The following KMT5B variants were observed in gnomAD, a reference collection of about 807,000 sequenced individuals.
The protein encoded by KMT5B is histone-lysine N-methyltransferase KMT5B.
Under a neutral mutation model 83.2 loss-of-function variants are expected in KMT5B, and 10 were observed. That is an observed-to-expected ratio of 0.12 (90% confidence interval 0.07 to 0.20). The LOEUF is 0.20. Among genes scored for constraint, KMT5B ranks in the 10% least tolerant of loss-of-function variants. The pLI is 1.00. For missense variants in KMT5B, 753 were observed against 1,067.2 expected (o/e 0.71, Z 4.10); for synonymous variants, 349 against 388.8 (o/e 0.90, Z 1.20).
chr11:68,206,825 C>A (rs10896303), intron 1 of KMT5B, among the ~76,000 whole-genome samples: 67,268 of 151,888 alleles, frequency 0.44, 15,538 homozygotes, highest in East Asian at 0.64. Flanking sequence ...TCACCTCACC[C>A]ATTTAAAAAA....
chr11:68,203,860 C>T lies in KMT5B; in HGVS notation c.-77+9278G>A, dbSNP rs138514233. Among the ~76,000 whole-genome samples, 241 of 151,890 alleles carry T rather than the reference C, an allele frequency of 1.6e-3. 1 individual carries two copies. Among genetic ancestry groups the T allele is most frequent in the African/African-American group, 5.3e-3 (219 of 41,272 alleles). On this transcript the variant is annotated intron_variant, in intron 1 of 10. Transcript: ENST00000304363. ...CTTTACTTTAAAATTAGAGCTGTCACGCTAATTCAAATGGTAATCAGGTAT... is the reference window on the plus strand; with the variant it reads ...CTTTACTTTAAAATTAGAGCTGTCATGCTAATTCAAATGGTAATCAGGTAT...
In KMT5B at chr11:68,158,649, C is replaced by A. The variant is rs1012452486; in HGVS notation, c.1697G>T (p.Ser566Ile). The change falls in exon 11 of 11, where the codon AGC becomes ATC. Residue 566 changes from serine (S) to isoleucine (I), a missense_variant. By Grantham distance (142) the Ser-to-Ile change is moderately radical. Transcript: ENST00000304363. ...GTCGGGGCAAGGTTCCGTCACACTG[C>A]TTTTATAGCCATTCAACGTATTTGG... ...LEPNTLNGYK[S>I]SVTEPCPDSG... The A allele has an allele frequency of 1.9e-6, 3 of 1,614,044 alleles. No homozygotes were observed. The African/African-American group carries it at 4.0e-5, about 22-fold the overall frequency.
intron 1 of KMT5B, among the ~76,000 whole-genome samples, chr11:68,197,678 T>C (rs1242386818): frequency 1.3e-5 from 2 of 152,188 alleles, no homozygotes; most frequent in Non-Finnish European, 2.9e-5. Context: ...CTCATTTATA[T>C]TGTGATCAAC....
intron 6 of KMT5B, among the ~76,000 whole-genome samples, chr11:68,172,707 G>A (rs1382966685): frequency 6.6e-6 from 1 of 152,076 alleles, no homozygotes; most frequent in Non-Finnish European, 1.5e-5. Context: ...GTACCGGACG[G>A]TACAGCTCTA....
chr11:68,193,153 A>G (rs1168027388), intron 1 of KMT5B, among the ~76,000 whole-genome samples: 1 of 152,236 alleles, frequency 6.6e-6, no homozygotes, highest in Non-Finnish European at 1.5e-5. Flanking sequence ...AAGATGCCTT[A>G]AGATCATCAG....
chr11:68,183,927 T>G (rs1342421562), intron 3 of KMT5B, among the ~76,000 whole-genome samples: 2 of 152,076 alleles, frequency 1.3e-5, no homozygotes, highest in Non-Finnish European at 2.9e-5. Context: ...CCCAAAGTGC[T>G]GAGATTACAG....
At chr11:68,180,258 T>C in intron 3 of KMT5B, 58 bp from the exon 4 acceptor site, 5 of 1,520,248 alleles carry the variant, frequency 3.3e-6, no homozygotes, top group South Asian at 1.2e-5. Context: ...AATCTGTACT[T>C]GTAATTTCTA....
intron 2 of KMT5B, among the ~76,000 whole-genome samples, chr11:68,187,290 G>A (rs1361101649): frequency 1.3e-5 from 2 of 152,112 alleles, no homozygotes; most frequent in Non-Finnish European, 2.9e-5. Flanking sequence ...GAGCCACCAC[G>A]CCCAGTCTTC....
chr11:68,180,124 C>T lies in KMT5B; in HGVS notation c.377+8G>A, dbSNP rs1282073453. The stretch of plus-strand genomic sequence containing the variant: ...AGTATCTCATTGTTTTTAACACACA[C>T]TACCTACCTCACAGGGTTGTTGTGA... On this transcript the variant is annotated splice_region_variant and intron_variant, in intron 4 of 10. Transcript: ENST00000304363. 6 of 1,580,458 alleles carry T rather than the reference C, an allele frequency of 3.8e-6. No individual in the cohort carries two copies. The Admixed American group carries it at 8.7e-5, about 23-fold the overall frequency.
At chr11:68,172,180 C>T (rs1038172283) in intron 6 of KMT5B, among the ~76,000 whole-genome samples, 1 of 152,146 alleles carries the variant, frequency 6.6e-6, no homozygotes, top group African/African-American at 2.4e-5. Flanking sequence ...AATTTTTTAG[C>T]AGCCACATTG....
intron 10 of KMT5B, chr11:68,166,683 C>G: frequency 8.3e-7 from 1 of 1,198,396 alleles, no homozygotes; most frequent in Non-Finnish European, 1.0e-6. Context: ...TCATCACAGT[C>G]TCTAACACCT....
At chr11:68,179,544 C>T in intron 4 of KMT5B, 1 of 1,304,086 alleles carries the variant, frequency 7.7e-7, no homozygotes, top group Admixed American at 2.3e-5. Flanking sequence ...CCCACTGTGG[C>T]AGTGAAGAAA....
chr11:68,182,762 G>A (rs1366567393), intron 3 of KMT5B, among the ~76,000 whole-genome samples: 3 of 147,116 alleles, frequency 2.0e-5, no homozygotes, highest in African/African-American at 7.5e-5. Context: ...TTGAGACTGA[G>A]TTTCGCTCTT....
intron 9 of KMT5B, among the ~76,000 whole-genome samples, chr11:68,167,698 T>TC (rs1186210132): frequency 6.6e-6 from 1 of 152,106 alleles, no homozygotes; most frequent in Non-Finnish European, 1.5e-5. Context: ...GCTCAAGGGA[T>TC]CTTCCCAGCT....
At chr11:68,189,170 T>C (rs544316032) in intron 2 of KMT5B, among the ~76,000 whole-genome samples, 1 of 152,358 alleles carries the variant, frequency 6.6e-6, no homozygotes, top group South Asian at 2.1e-4. Context: ...CAAAGGTGGC[T>C]AGATTCACGT....
Position 68,171,643 on chromosome 11 carries a change from G to T in KMT5B, c.720C>A (p.Asn240Lys). 6.2e-7 allele frequency: 1 copy of T among 1,613,874 alleles called. No individual in the cohort carries two copies. The highest frequency in any genetic ancestry group is 8.5e-7 in the Non-Finnish European group (1 of 1,179,826). ...CGTTTTCTCCATGTCTAAGTAGCAT[G>T]TTCTCCTCAATTTCTGAAAGTTCGG... is the stretch of plus-strand genomic sequence containing the variant. ...CIAELSEIEE[N>K]MLLRHGENDF... Residue 240 changes from asparagine (N) to lysine (K), a missense_variant, in exon 7 of 11, where the codon AAC becomes AAA. By Grantham distance (94) the Asn-to-Lys change is moderately conservative. Around this residue, in one of 9 missense-constraint regions of KMT5B, gnomAD observed 34 missense variants for 172.5 expected, o/e 0.20. Transcript: ENST00000304363. This position sits in a 1 kb window ranked among gnomAD's most constrained non-coding sequence, Gnocchi z 5.1.
At chr11:68,175,382 C>G (rs1856256474) in intron 4 of KMT5B, among the ~76,000 whole-genome samples, 199 bp from the exon 5 acceptor site, 1 of 152,184 alleles carries the variant, frequency 6.6e-6, no homozygotes, top group Non-Finnish European at 1.5e-5. Flanking sequence ...TACGCAAGTT[C>G]TCTTTTTTCA....
chr11:68,208,554 A>G (rs1860468051), intron 1 of KMT5B, among the ~76,000 whole-genome samples: 1 of 152,210 alleles, frequency 6.6e-6, no homozygotes, highest in South Asian at 2.1e-4. Context: ...AGAGCATACT[A>G]TGGGAAGAGA....
intron 9 of KMT5B, among the ~76,000 whole-genome samples, chr11:68,170,667 C>T (rs888255263): frequency 2.0e-5 from 3 of 152,206 alleles, no homozygotes; most frequent in Admixed American, 2.0e-4. Flanking sequence ...CAGTGGTGAA[C>T]TCCACTTGAC....
Sources: gnomAD v4.1 joint callset for allele counts (sites outside exome capture counted in the v4.1 genomes callset) on GRCh38, gnomAD v4.1.1 for gene constraint, gnomAD v4.1.1 regional missense constraint, Gnocchi (gnomAD v3.1) non-coding constraint, MANE v1.5 for transcripts, NCBI Gene and HGNC (gene_info 2026-07-23, HGNC 2026-07-21) for gene names.